The following HS3ST4 variants were observed in gnomAD, a reference collection of about 807,000 sequenced individuals.
HS3ST4 encodes heparan sulfate-glucosamine 3-sulfotransferase 4.
HS3ST4 carries 17 observed loss-of-function variants against 29.2 expected under a neutral mutation model. That is an observed-to-expected ratio of 0.58 (90% CI 0.40 to 0.87). The LOEUF (loss-of-function observed/expected upper bound fraction) is 0.87, where lower values mean the gene tolerates loss of function less well. HS3ST4 is among the 40% of genes least tolerant of loss of function. The probability of loss-of-function intolerance (pLI) is 0.00; values close to 1 mark genes in which losing one functional copy is unlikely to be tolerated. For synonymous variants in HS3ST4, 314 were observed against 285.7 expected (o/e 1.10, Z -1.00); for missense variants, 627 against 634.5 (o/e 0.99, Z 0.13).
chr16:26,085,540 A>T (rs1279764784), intron 1 of HS3ST4, among the ~76,000 whole-genome samples: 1 of 152,136 alleles, frequency 6.6e-6, no homozygotes, highest in Non-Finnish European at 1.5e-5. Flanking sequence ...AAAACAACTG[A>T]CAGGTAGTTG....
chr16:25,828,300 CCCTCTCT>C (rs1567249521), intron 1 of HS3ST4, among the ~76,000 whole-genome samples: 662 of 56,408 alleles, frequency 0.012, no homozygotes, highest in Admixed American at 0.017. Flanking sequence ...TTCTTTCTTT[CCCTCTCT>C]CTCTCTCTCT....
In HS3ST4 at chr16:25,693,094, T is replaced by C; in HGVS notation, c.677T>C (p.Val226Ala). The change falls in exon 1 of 2, where the codon GTG becomes GCG. Residue 226 changes from valine to alanine, a missense_variant. Val to Ala is a moderately conservative substitution (Grantham distance 64, BLOSUM62 0). Transcript: ENST00000331351. ...AIRVHPDVRA[V>A]GVEPHFFDRN... ...CGCGTGCACCCGGACGTGCGGGCGG[T>C]GGGCGTAGAGCCGCACTTCTTCGAC... is the stretch of plus-strand genomic sequence containing the variant. The C allele has an allele frequency of 6.2e-7, 1 of 1,608,184 alleles. No individual in the cohort carries two copies. The highest frequency in any genetic ancestry group is 8.5e-7 in the Non-Finnish European group (1 of 1,177,696).
At chr16:25,859,046 G>A (rs527236395) in intron 1 of HS3ST4, among the ~76,000 whole-genome samples, 37 of 152,096 alleles carry the variant, frequency 2.4e-4, no homozygotes, top group African/African-American at 6.8e-4. Context: ...CACCCCACAC[G>A]TCCTTGGGTT....
chr16:26,057,858 G>A (rs1898428078), intron 1 of HS3ST4, among the ~76,000 whole-genome samples: 1 of 152,220 alleles, frequency 6.6e-6, no homozygotes, highest in African/African-American at 2.4e-5. Context: ...GTGTGAAGAA[G>A]AGAGATGCAG....
chr16:26,055,758 T>C (rs1480027737), intron 1 of HS3ST4, among the ~76,000 whole-genome samples: 1 of 152,150 alleles, frequency 6.6e-6, no homozygotes, highest in Non-Finnish European at 1.5e-5. Flanking sequence ...TCCTCTCCTC[T>C]TAAGTGTTTT....
At chr16:25,964,577 C>T (rs1338214092) in intron 1 of HS3ST4, among the ~76,000 whole-genome samples, 5 of 152,116 alleles carry the variant, frequency 3.3e-5, no homozygotes, top group African/African-American at 1.2e-4. Flanking sequence ...CTTTAAATAA[C>T]CTGCTCAAAG....
At chr16:25,800,113 C>G (rs1352796647) in intron 1 of HS3ST4, among the ~76,000 whole-genome samples, 1 of 151,614 alleles carries the variant, frequency 6.6e-6, no homozygotes, top group Non-Finnish European at 1.5e-5. Context: ...TTCCTGCCTT[C>G]CTGCCTTCCT....
chr16:25,947,378 C>A (rs1033255748), intron 1 of HS3ST4, among the ~76,000 whole-genome samples: 2 of 152,032 alleles, frequency 1.3e-5, no homozygotes, highest in Non-Finnish European at 2.9e-5. Flanking sequence ...GTGTAACAAC[C>A]CCCTCCGCAA....
intron 1 of HS3ST4, among the ~76,000 whole-genome samples, chr16:25,873,095 A>G (rs1967773026): frequency 1.3e-5 from 2 of 152,200 alleles, no homozygotes; most frequent in East Asian, 3.9e-4. Flanking sequence ...GTGGAGTTCT[A>G]ACTGTTCCCA....
intron 1 of HS3ST4, among the ~76,000 whole-genome samples, chr16:26,023,288 A>G (rs550092857): frequency 3.4e-4 from 52 of 151,856 alleles, no homozygotes; most frequent in African/African-American, 1.2e-3. Context: ...ATACATAAAT[A>G]TATGTTTTAT....
At chr16:25,849,062 G>A (rs570756751) in intron 1 of HS3ST4, among the ~76,000 whole-genome samples, 1 of 152,176 alleles carries the variant, frequency 6.6e-6, no homozygotes, top group East Asian at 1.9e-4. Context: ...CAAATAGATG[G>A]TTTTGTGGTG....
At position 26,005,565 on chromosome 16, in the gene HS3ST4, C is replaced by T. The variant is rs139148902; in HGVS notation, c.735-130047C>T. ...TGTTTCTGTTTCTTATACACTTGAA[C>T]GTTAAGCTGGATTTGCAAGTGTAAC... On this transcript the variant is annotated intron_variant, in intron 1 of 1. Transcript: ENST00000331351. 4.9e-4 allele frequency among the ~76,000 whole-genome samples: 75 copies of T among 152,104 alleles called. No individual in the cohort carries two copies. In the East Asian group the frequency reaches 8.7e-3, roughly 18 times the overall value.
intron 1 of HS3ST4, among the ~76,000 whole-genome samples, chr16:25,904,233 T>C (rs1968158146): frequency 1.3e-5 from 2 of 151,736 alleles, no homozygotes; most frequent in Admixed American, 1.3e-4. Flanking sequence ...GATGGATGAA[T>C]GGATGAATGG....
chr16:26,050,741 G>A (rs1898332233), intron 1 of HS3ST4, among the ~76,000 whole-genome samples: 1 of 152,140 alleles, frequency 6.6e-6, no homozygotes, highest in Non-Finnish European at 1.5e-5. Flanking sequence ...TATTGCTCTG[G>A]TGATAAATGA....
intron 1 of HS3ST4, among the ~76,000 whole-genome samples, chr16:25,873,654 GTCCGTCCATCCATCCATCCA>G (rs1319505571): frequency 3.0e-5 from 1 of 32,970 alleles, no homozygotes; most frequent in East Asian, 2.0e-3. Flanking sequence ...CCATCCATCC[GTCCGTCCATCCATCCATCCA>G]TCCATCCATC....
intron 1 of HS3ST4, among the ~76,000 whole-genome samples, chr16:26,062,061 G>A (rs1898482390): frequency 6.6e-6 from 1 of 152,146 alleles, no homozygotes; most frequent in Admixed American, 6.5e-5. Context: ...TGGAGTTGCT[G>A]ATGGAGTTCT....
chr16:25,803,369 C>A (rs979488468), intron 1 of HS3ST4, among the ~76,000 whole-genome samples: 2 of 152,150 alleles, frequency 1.3e-5, no homozygotes, highest in South Asian at 2.1e-4. Context: ...CCTGTCTCAT[C>A]ATTCATAAAC....
intron 1 of HS3ST4, among the ~76,000 whole-genome samples, chr16:25,985,146 T>C (rs975492827): frequency 6.6e-6 from 1 of 152,252 alleles, no homozygotes; most frequent in Admixed American, 6.5e-5. Flanking sequence ...TCTGTTTCCT[T>C]ATTTAAATAG....
At chr16:25,841,050 G>A (rs1967407608) in intron 1 of HS3ST4, among the ~76,000 whole-genome samples, 2 of 151,108 alleles carry the variant, frequency 1.3e-5, no homozygotes, top group African/African-American at 2.4e-5. Context: ...TGTCACCTAC[G>A]CTGGAGTGCA....
Sources: gnomAD v4.1 joint callset for allele counts (sites outside exome capture counted in the v4.1 genomes callset) on GRCh38, gnomAD v4.1.1 for gene constraint, MANE v1.5 for transcripts, NCBI Gene and HGNC (gene_info 2026-07-23, HGNC 2026-07-21) for gene names.